Variants in MAGI2 observed in about 807,000 individuals in gnomAD.
The protein encoded by MAGI2 is membrane-associated guanylate kinase, WW and PDZ domain-containing protein 2.
In MAGI2, 35 loss-of-function variants were observed where a neutral mutation model predicts 133.3. That is an observed-to-expected ratio of 0.26 (90% CI 0.20 to 0.35). The LOEUF (loss-of-function observed/expected upper bound fraction) is 0.35, where lower values mean the gene tolerates loss of function less well. Among genes scored for constraint, MAGI2 ranks in the 10% least tolerant of loss-of-function variants. MAGI2 has a pLI of 1.00. For synonymous variants in MAGI2, 729 were observed against 710.6 expected, an observed-to-expected ratio of 1.03 and a Z score of -0.41; for missense variants, 1,636 against 1,863.4, an observed-to-expected ratio of 0.88 and a Z score of 2.25.
intron 1 of MAGI2, among the ~76,000 whole-genome samples, chr7:79,158,293 A>C (rs1371420635): frequency 1.3e-5 from 2 of 152,076 alleles, no homozygotes; most frequent in Non-Finnish European, 1.5e-5. Context: ...ACAACGTTTC[A>C]CTACTAAAAA....
chr7:79,187,170 A>G (rs1360801987), intron 1 of MAGI2, among the ~76,000 whole-genome samples: 1 of 151,688 alleles, frequency 6.6e-6, no homozygotes, highest in Non-Finnish European at 1.5e-5. Flanking sequence ...AATATAATGA[A>G]TAAAACATTA....
intron 6 of MAGI2, among the ~76,000 whole-genome samples, chr7:78,474,697 T>C (rs1791565243): frequency 6.6e-6 from 1 of 151,878 alleles, no homozygotes; most frequent in Non-Finnish European, 1.5e-5. Flanking sequence ...CCCATACATA[T>C]ACTAATGAAG....
intron 20 of MAGI2, among the ~76,000 whole-genome samples, chr7:78,104,379 C>T (rs1007615184): frequency 2.0e-5 from 3 of 151,904 alleles, no homozygotes; most frequent in Non-Finnish European, 4.4e-5. Flanking sequence ...CCCGCCACCA[C>T]GCCCAGTTAA....
At chr7:79,331,399 A>G (rs1353210860) in intron 1 of MAGI2, among the ~76,000 whole-genome samples, 1 of 152,218 alleles carries the variant, frequency 6.6e-6, no homozygotes, top group African/African-American at 2.4e-5. Context: ...TGAAATGTCA[A>G]TAAAAACATT....
intron 1 of MAGI2, among the ~76,000 whole-genome samples, chr7:79,401,653 A>G (rs1217485185): frequency 6.6e-6 from 1 of 152,190 alleles, no homozygotes. Flanking sequence ...AAAAAAATGA[A>G]TGATTACTAT....
At chr7:79,321,295 A>C (rs1472457899) in intron 1 of MAGI2, among the ~76,000 whole-genome samples, 1 of 152,204 alleles carries the variant, frequency 6.6e-6, no homozygotes, top group African/African-American at 2.4e-5. Flanking sequence ...GGTTTTTCAA[A>C]GAAAATTACA....
intron 1 of MAGI2, among the ~76,000 whole-genome samples, chr7:79,066,803 A>T (rs1189150213): frequency 3.9e-5 from 6 of 152,230 alleles, no homozygotes; most frequent in African/African-American, 1.4e-4. Context: ...TAAGGAAGGG[A>T]TCCAGTTTCA....
chr7:78,959,104 A>G (rs1802642189), intron 2 of MAGI2, among the ~76,000 whole-genome samples: 1 of 151,916 alleles, frequency 6.6e-6, no homozygotes, highest in African/African-American at 2.4e-5. Flanking sequence ...CCTCTTTTTT[A>G]TTTTTTAATA....
intron 1 of MAGI2, among the ~76,000 whole-genome samples, chr7:79,197,353 T>C (rs935800249): frequency 4.6e-5 from 7 of 152,018 alleles, no homozygotes; most frequent in African/African-American, 1.7e-4. Flanking sequence ...ACCATAAGCT[T>C]AAGAAAGTGG....
intron 2 of MAGI2, among the ~76,000 whole-genome samples, chr7:78,771,806 C>G (rs1041540802): frequency 6.6e-6 from 1 of 152,108 alleles, no homozygotes; most frequent in South Asian, 2.1e-4. Context: ...GACAAAAACA[C>G]CAAAGCACAT....
intron 9 of MAGI2, among the ~76,000 whole-genome samples, chr7:78,337,766 CTGGTTTGT>C (rs1175329154): frequency 2.6e-5 from 4 of 152,280 alleles, no homozygotes; most frequent in East Asian, 1.9e-4. Flanking sequence ...AAATGAAAAA[CTGGTTTGT>C]TGGTGCTTCA....
chr7:79,379,867 G>GT (rs1327662383), intron 1 of MAGI2, among the ~76,000 whole-genome samples: 5 of 143,020 alleles, frequency 3.5e-5, no homozygotes, highest in Non-Finnish European at 6.2e-5. Context: ...GGGGTTGTTT[G>GT]TTTTTTTCTT....
At chr7:78,784,203 G>GTTTTTTT (rs36109639) in intron 2 of MAGI2, among the ~76,000 whole-genome samples, 1 of 147,282 alleles carries the variant, frequency 6.8e-6, no homozygotes, top group Non-Finnish European at 1.5e-5. Context: ...AATGTTTTAG[G>GTTTTTTT]TTTTTTTTTT....
chr7:79,309,385 A>G (rs766984994), intron 1 of MAGI2, among the ~76,000 whole-genome samples: 49 of 150,332 alleles, frequency 3.3e-4, no homozygotes, highest in Non-Finnish European at 5.9e-4. Context: ...AGGTGATATT[A>G]TATATATTAT....
At chr7:78,755,358 A>C (rs1823844861) in intron 2 of MAGI2, among the ~76,000 whole-genome samples, 1 of 152,206 alleles carries the variant, frequency 6.6e-6, no homozygotes, top group Non-Finnish European at 1.5e-5. Context: ...AGTATTTTGA[A>C]TATTCATTCA....
intron 2 of MAGI2, among the ~76,000 whole-genome samples, chr7:78,910,661 C>T (rs1235287871): frequency 6.6e-6 from 1 of 152,122 alleles, no homozygotes; most frequent in Non-Finnish European, 1.5e-5. Context: ...TTCCAACTTC[C>T]TAACGTGGGA....
At chr7:78,576,769 G>A (rs1802309867) in intron 3 of MAGI2, among the ~76,000 whole-genome samples, 1 of 151,986 alleles carries the variant, frequency 6.6e-6, no homozygotes. Flanking sequence ...TGGGTCTTTG[G>A]GTCTCCATTT....
intron 16 of MAGI2, among the ~76,000 whole-genome samples, chr7:78,136,028 C>T (rs1009065564): frequency 6.6e-6 from 1 of 152,108 alleles, no homozygotes; most frequent in African/African-American, 2.4e-5. Context: ...TGCTCTCCAA[C>T]TGTCAAAATA....
At chr7:79,295,137 A>G (rs1165269600) in intron 1 of MAGI2, among the ~76,000 whole-genome samples, 3 of 152,160 alleles carry the variant, frequency 2.0e-5, no homozygotes. Flanking sequence ...AGAATCTAAC[A>G]GCAATTCCAG....
Sources: allele counts gnomAD v4.1 joint callset (sites outside exome capture counted in the v4.1 genomes callset), GRCh38; gene constraint gnomAD v4.1.1; transcripts MANE v1.5; gene names NCBI Gene and HGNC (gene_info 2026-07-23, HGNC 2026-07-21).